The following DNAH10 variants were observed in gnomAD, a reference collection of about 807,000 sequenced individuals.
DNAH10 encodes axonemal beta dynein heavy chain 10.
DNAH10 carries 348 observed loss-of-function variants against 506.6 expected under a neutral mutation model. That is an observed-to-expected ratio of 0.69 (90% confidence interval 0.63 to 0.75). The LOEUF (loss-of-function observed/expected upper bound fraction) is 0.75, where lower values mean the gene tolerates loss of function less well. Among genes scored for constraint, DNAH10 ranks in the 30% least tolerant of loss-of-function variants. The probability of loss-of-function intolerance (pLI) is 0.00; values close to 1 mark genes in which losing one functional copy is unlikely to be tolerated. For missense variants in DNAH10, 5,179 were observed against 5,787.1 expected (o/e 0.89, Z 3.41); for synonymous variants, 2,059 against 2,198.6 (o/e 0.94, Z 1.78).
intron 16 of DNAH10, among the ~76,000 whole-genome samples, chr12:123,801,831 TATTGAC>T (rs1198572771): frequency 6.6e-6 from 1 of 152,206 alleles, no homozygotes; most frequent in Non-Finnish European, 1.5e-5. Context: ...ACAACCAAGA[TATTGAC>T]ATTGATACAG....
intron 25 of DNAH10, 45 bp from the exon 26 acceptor site, chr12:123,830,501 C>T (rs768673367): frequency 1.1e-5 from 17 of 1,563,604 alleles, no homozygotes; most frequent in Non-Finnish European, 1.4e-5. Flanking sequence ...GAACTCCTCA[C>T]TAAATTCAGT....
At chr12:123,790,164 A>T in intron 11 of DNAH10, 43 bp downstream of exon 11, 1 of 1,576,064 alleles carries the variant, frequency 6.3e-7, no homozygotes, top group Non-Finnish European at 8.7e-7. Context: ...AGTCGACACC[A>T]TGTTTTCTCT....
chr12:123,884,120 G>A (rs901992653), intron 51 of DNAH10, among the ~76,000 whole-genome samples: 1 of 151,966 alleles, frequency 6.6e-6, no homozygotes. Context: ...TGCAACCTCT[G>A]CCTCCCCGGG....
At chr12:123,799,533 G>A (rs1006361407) in intron 14 of DNAH10, among the ~76,000 whole-genome samples, 162 bp downstream of exon 14, 1 of 152,026 alleles carries the variant, frequency 6.6e-6, no homozygotes, top group Non-Finnish European at 1.5e-5. Flanking sequence ...AGTGGAGATG[G>A]CACGATGCCA....
chr12:123,827,822 C>A (rs1960145906), intron 25 of DNAH10, among the ~76,000 whole-genome samples: 1 of 152,194 alleles, frequency 6.6e-6, no homozygotes, highest in Non-Finnish European at 1.5e-5. Context: ...AAGGAGCAGG[C>A]AGCCCTCAGG....
intron 3 of DNAH10, 27 bp downstream of exon 3, chr12:123,771,725 G>T (rs555031433): frequency 6.4e-7 from 1 of 1,573,070 alleles, no homozygotes; most frequent in Non-Finnish European, 8.7e-7. Flanking sequence ...GTCCTTGTTG[G>T]TGGGGTAATG....
intron 59 of DNAH10, among the ~76,000 whole-genome samples, chr12:123,912,738 A>G (rs1954284180): frequency 6.6e-6 from 1 of 152,222 alleles, no homozygotes; most frequent in South Asian, 2.1e-4. Context: ...ACCTTGCGCT[A>G]TAGCTCGGAA....
At chr12:123,840,271 A>G (rs1395973132) in intron 29 of DNAH10, among the ~76,000 whole-genome samples, 1 of 152,006 alleles carries the variant, frequency 6.6e-6, no homozygotes, top group Non-Finnish European at 1.5e-5. Flanking sequence ...CTTAGGAACG[A>G]GTGCTTTCTC....
chr12:123,855,884 G>T (rs901645140), intron 36 of DNAH10, among the ~76,000 whole-genome samples: 3 of 149,682 alleles, frequency 2.0e-5, no homozygotes, highest in Non-Finnish European at 3.0e-5. Flanking sequence ...CTCTGCCTGT[G>T]CTCCTATTTT....
chr12:123,792,808 G>A (rs1178353371), intron 11 of DNAH10, among the ~76,000 whole-genome samples: 2 of 152,110 alleles, frequency 1.3e-5, no homozygotes, highest in Admixed American at 6.6e-5. Flanking sequence ...AGGACCCTAG[G>A]ACTTCCTATC....
intron 28 of DNAH10, 59 bp downstream of exon 28, chr12:123,835,587 A>G: frequency 6.4e-7 from 1 of 1,561,810 alleles, no homozygotes; most frequent in Non-Finnish European, 8.7e-7. Context: ...AGATATTTGT[A>G]CCTTTTTATT....
intron 44 of DNAH10, among the ~76,000 whole-genome samples, chr12:123,871,197 T>C (rs1027330637): frequency 2.6e-5 from 4 of 152,200 alleles, no homozygotes; most frequent in African/African-American, 9.7e-5. Flanking sequence ...GTTTTTGATA[T>C]CCTGGCATAA....
intron 1 of DNAH10, among the ~76,000 whole-genome samples, chr12:123,763,869 CTTTT>C (rs59694804): frequency 8.2e-6 from 1 of 121,256 alleles, no homozygotes. Flanking sequence ...CTGGCCACTT[CTTTT>C]TTTTTTTTTT....
In DNAH10 at chr12:123,925,380, C is replaced by A; in HGVS notation, c.11921+176C>A. The A allele has an allele frequency of 1.2e-6, 1 of 835,786 alleles. No homozygotes were observed. Among genetic ancestry groups the A allele is most frequent in the Non-Finnish European group, 1.7e-6 (1 of 578,226 alleles). The allele number at this position is 835,786 out of a possible 1,614,324, so 51.8% of individuals were successfully genotyped here. A position where few individuals can be genotyped will look rare whatever the true frequency, so the allele number is the denominator to read the frequency against. On this transcript the variant is annotated intron_variant, in intron 68 of 78. Transcript: ENST00000673944. This position sits in a 1 kb window ranked among gnomAD's most constrained non-coding sequence, Gnocchi z 4.0. ...AATTCTTCAATATTCTAGAACAGTG[C>A]TAGTCATAAGAAATTCAGTGTGAGC...
At chr12:123,885,855 A>G (rs1276848151) in intron 51 of DNAH10, among the ~76,000 whole-genome samples, 2 of 152,120 alleles carry the variant, frequency 1.3e-5, no homozygotes, top group African/African-American at 4.8e-5. Flanking sequence ...ATATCCTTTT[A>G]TACATTTTTT....
At position 123,868,057 on chromosome 12, in the gene DNAH10, G is replaced by A. The variant is rs771896263; in HGVS notation, c.7457G>A (p.Arg2486His). ...ATGAAATTTGACGAATATATCAAAC[G>A]CCTTGCTTCTTTGTCTACTGTTGAC... ...GRMKFDEYIK[R>H]LASLSTVDTE... Residue 2486 changes from arginine to histidine, a missense_variant, in exon 43 of 79, where the codon CGC becomes CAC. Around this residue, in one of 3 missense-constraint regions of DNAH10, gnomAD observed 4,844 missense variants for 5,430.5 expected, o/e 0.89. Coordinates refer to ENST00000673944, the MANE Select transcript of DNAH10 (RefSeq NM_001372106.1). 1.0e-4 allele frequency: 162 copies of A among 1,613,780 alleles called. 3 individuals carry two copies. The South Asian group carries it at 1.3e-3, about 13-fold the overall frequency.
intron 73 of DNAH10, 28 bp downstream of exon 73, chr12:123,930,601 T>C (rs1955160453): frequency 3.1e-6 from 5 of 1,599,824 alleles, no homozygotes; most frequent in Non-Finnish European, 4.3e-6. Context: ...TGAAAAGATG[T>C]TTTCAAGGCT....
chr12:123,920,271 T>C (rs1954668619), intron 65 of DNAH10, among the ~76,000 whole-genome samples: 1 of 152,256 alleles, frequency 6.6e-6, no homozygotes, highest in South Asian at 2.1e-4. Flanking sequence ...GTATGTTAGT[T>C]TGTATCTCTA....
rs946012266 is a variant in DNAH10 at position 123,919,076 on chromosome 12, T to G, written c.11506+127T>G. 1 of 1,246,840 alleles carries G rather than the reference T, an allele frequency of 8.0e-7. No individual in the cohort carries two copies. The highest frequency in any genetic ancestry group is 1.6e-5 in the African/African-American group (1 of 64,370). The allele number at this position is 1,246,840 out of a possible 1,614,324, so 77.2% of individuals were successfully genotyped here. ...ATTTTTTCTTTTTTCTTTCTTTCTTTCTTTTTCTTTTTTTTTTGAGATAGG... is the reference window on the plus strand; with the variant it reads ...ATTTTTTCTTTTTTCTTTCTTTCTTGCTTTTTCTTTTTTTTTTGAGATAGG... On this transcript the variant is annotated intron_variant, in intron 65 of 78. Transcript: ENST00000673944. This position sits in a 1 kb window ranked among gnomAD's most constrained non-coding sequence, Gnocchi z 4.9.
Sources: allele counts gnomAD v4.1 joint callset (sites outside exome capture counted in the v4.1 genomes callset), GRCh38; gene constraint gnomAD v4.1.1; regional missense constraint gnomAD v4.1.1; non-coding constraint Gnocchi (gnomAD v3.1); transcripts MANE v1.5; gene names NCBI Gene and HGNC (gene_info 2026-07-23, HGNC 2026-07-21).